YWHAH: variants seen among roughly 807,000 people sequenced by gnomAD.
The protein encoded by YWHAH is tyrosine 3-monooxygenase/tryptophan 5-monooxygenase activation protein eta, also known as 14-3-3 protein eta.
Under a neutral mutation model 22.9 loss-of-function variants are expected in YWHAH, and 6 were observed. That is an observed-to-expected ratio of 0.26 (90% CI 0.14 to 0.52). The LOEUF (loss-of-function observed/expected upper bound fraction) is 0.52. Ranked by LOEUF, YWHAH falls within the 20% of genes least tolerant of loss-of-function variation. YWHAH has a pLI of 0.97. For missense variants in YWHAH, 173 were observed against 308.6 expected (o/e 0.56, Z 3.29); for synonymous variants, 135 against 124.5 (o/e 1.08, Z -0.56).
chr22:31,948,322 G>C (rs2093837917), intron 1 of YWHAH, among the ~76,000 whole-genome samples: 1 of 152,198 alleles, frequency 6.6e-6, no homozygotes, highest in East Asian at 1.9e-4. Flanking sequence ...AAAGTGCACA[G>C]CTGACTGCCC....
chr22:31,956,004 G>T lies in YWHAH; in HGVS notation c.88-135G>T. 9.9e-7 allele frequency: 1 copy of T among 1,007,018 alleles called. No individual in the cohort carries two copies. The highest frequency in any genetic ancestry group is 1.4e-6 in the Non-Finnish European group (1 of 695,390). 62.4% of individuals were successfully genotyped at this position (1,007,018 alleles called of 1,614,324 possible). ...TCTATATTGGTTTTATCCATGGGTGGTTTTTATTCTCCAGAGTGACTGACC... is the reference window on the plus strand; with the variant it reads ...TCTATATTGGTTTTATCCATGGGTGTTTTTTATTCTCCAGAGTGACTGACC... On this transcript the variant is annotated intron_variant, in intron 1 of 1. Transcript: ENST00000248975. This position sits in a 1 kb window ranked among gnomAD's most constrained non-coding sequence, Gnocchi z 5.1.
At chr22:31,954,896 G>A (rs2093847672) in intron 1 of YWHAH, among the ~76,000 whole-genome samples, 1 of 152,098 alleles carries the variant, frequency 6.6e-6, no homozygotes, top group African/African-American at 2.4e-5. Context: ...AGGAACCTAG[G>A]GTCAGAACTT....
At chr22:31,948,192 C>G (rs1333979976) in intron 1 of YWHAH, among the ~76,000 whole-genome samples, 1 of 152,172 alleles carries the variant, frequency 6.6e-6, no homozygotes, top group Non-Finnish European at 1.5e-5. Context: ...GGAAACAAAA[C>G]TACAGTTTAA....
At chr22:31,952,327 G>T (rs562407157) in intron 1 of YWHAH, among the ~76,000 whole-genome samples, 1 of 152,070 alleles carries the variant, frequency 6.6e-6, no homozygotes, top group Non-Finnish European at 1.5e-5. Flanking sequence ...CCTGTATTTT[G>T]GTATTTGAAG....
intron 1 of YWHAH, among the ~76,000 whole-genome samples, chr22:31,945,956 AAAAC>A (rs780008011): frequency 1.1e-4 from 17 of 152,322 alleles, no homozygotes; most frequent in Middle Eastern, 6.8e-3. Context: ...GTTCCGAAAA[AAAAC>A]TGCCAATACA....
At chr22:31,950,431 T>G (rs751447931) in intron 1 of YWHAH, 1 of 778,724 alleles carries the variant, frequency 1.3e-6, no homozygotes, top group South Asian at 1.3e-5. Context: ...TGGTGAGTGT[T>G]AGCACTTCCA....
At chr22:31,955,299 C>A (rs1171964666) in intron 1 of YWHAH, among the ~76,000 whole-genome samples, 1 of 152,164 alleles carries the variant, frequency 6.6e-6, no homozygotes, top group African/African-American at 2.4e-5. Context: ...TCTGTGAAGC[C>A]CCACCATCTG....
At chr22:31,944,858 G>A (rs770079865) in intron 1 of YWHAH, 38 bp downstream of exon 1, 5 of 1,315,870 alleles carry the variant, frequency 3.8e-6, no homozygotes, top group Admixed American at 3.0e-5. Context: ...GGCCGGGGGG[G>A]GCCTGGCGTT....
At position 31,956,980 on chromosome 22, in the gene YWHAH, G is replaced by T; in HGVS notation, c.*188G>T. 1.4e-6 allele frequency: 1 copy of T among 736,788 alleles called. No individual in the cohort carries two copies. The highest frequency in any genetic ancestry group is 2.1e-5 in the South Asian group (1 of 47,928). 45.6% of individuals were successfully genotyped at this position (736,788 alleles called of 1,614,324 possible). Reference sequence around the variant, plus strand: ...CATGGGCATTGCTGGACTGATGGTTGCTTTGAGCCCACAGGAGCTCCCTTT... The same window carrying T: ...CATGGGCATTGCTGGACTGATGGTTTCTTTGAGCCCACAGGAGCTCCCTTT... On this transcript the variant is annotated 3_prime_UTR_variant, in exon 2 of 2. Transcript: ENST00000248975. The surrounding 1 kb of genome is among the most constrained non-coding windows in gnomAD (Gnocchi z 5.1).
At chr22:31,952,119 C>T (rs1196570739) in intron 1 of YWHAH, among the ~76,000 whole-genome samples, 1 of 152,174 alleles carries the variant, frequency 6.6e-6, no homozygotes, top group African/African-American at 2.4e-5. Flanking sequence ...TTGTCTAGGC[C>T]TGTCTGTAAA....
At chr22:31,950,516 A>G (rs550250108) in intron 1 of YWHAH, 20 of 651,798 alleles carry the variant, frequency 3.1e-5, no homozygotes, top group Non-Finnish European at 5.7e-5. Context: ...CAGTAATGCC[A>G]TTCAGATGGT....
intron 1 of YWHAH, among the ~76,000 whole-genome samples, chr22:31,946,473 T>C (rs1245556990): frequency 6.6e-6 from 1 of 152,160 alleles, no homozygotes; most frequent in Non-Finnish European, 1.5e-5. Flanking sequence ...TTATGCAGGC[T>C]GAGGCCTCTC....
chr22:31,948,023 G>A (rs1020418961), intron 1 of YWHAH, among the ~76,000 whole-genome samples: 3 of 152,068 alleles, frequency 2.0e-5, no homozygotes, highest in South Asian at 2.1e-4. Flanking sequence ...GACAGAAAAC[G>A]GGCAGAAACA....
intron 1 of YWHAH, among the ~76,000 whole-genome samples, chr22:31,947,654 A>G (rs976425513): frequency 6.6e-6 from 1 of 152,214 alleles, no homozygotes; most frequent in African/African-American, 2.4e-5. Flanking sequence ...CAGCTTGCAT[A>G]GAGTATAATA....
At chr22:31,946,925 C>T (rs1187179988) in intron 1 of YWHAH, among the ~76,000 whole-genome samples, 3 of 152,104 alleles carry the variant, frequency 2.0e-5, no homozygotes, top group African/African-American at 7.2e-5. Context: ...TTAATTCTGC[C>T]ATCTCAGAAT....
At chr22:31,955,339 T>C (rs1194579551) in intron 1 of YWHAH, among the ~76,000 whole-genome samples, 1 of 152,238 alleles carries the variant, frequency 6.6e-6, no homozygotes, top group Non-Finnish European at 1.5e-5. Context: ...TGGTTGGTTC[T>C]TTCCAGAGTA....
chr22:31,944,668 C>G lies in YWHAH; in HGVS notation c.-66C>G, dbSNP rs964338450. The G allele has an allele frequency of 5.7e-6, 7 of 1,224,870 alleles. No homozygotes were observed. In the African/African-American group the frequency reaches 1.1e-4, roughly 19 times the overall value. 75.9% of individuals were successfully genotyped at this position (1,224,870 alleles called of 1,614,324 possible). A position where few individuals can be genotyped will look rare whatever the true frequency, so the allele number is the denominator to read the frequency against. Reference sequence around the variant, plus strand: ...GCCTCCGCAGCGACCGGGGAGCGGACTGACCGGCGGGAGGGCTAGCGAGCC... The same window carrying G: ...GCCTCCGCAGCGACCGGGGAGCGGAGTGACCGGCGGGAGGGCTAGCGAGCC... On this transcript the variant is annotated 5_prime_UTR_variant, in exon 1 of 2. Transcript: ENST00000248975.
chr22:31,956,241 A>G lies in YWHAH; in HGVS notation c.190A>G (p.Ser64Gly). ...GARRSSWRVI[S>G]SIEQKTMADG... ...CAGGCGATCTTCCTGGAGGGTCATT[A>G]GCAGCATTGAGCAGAAAACCATGGC... The change falls in exon 2 of 2, where the codon AGC (serine) becomes GGC (glycine). Residue 64 changes from serine (S) to glycine (G), a missense_variant. Transcript: ENST00000248975. This position sits in a 1 kb window ranked among gnomAD's most constrained non-coding sequence, Gnocchi z 5.1. The G allele has an allele frequency of 6.2e-7, 1 of 1,614,210 alleles. No homozygotes were observed. Among genetic ancestry groups the G allele is most frequent in the Non-Finnish European group, 8.5e-7 (1 of 1,180,042 alleles).
At chr22:31,946,841 A>C (rs1406628350) in intron 1 of YWHAH, among the ~76,000 whole-genome samples, 1 of 152,180 alleles carries the variant, frequency 6.6e-6, no homozygotes. Context: ...AAACCAAAGG[A>C]ATCTATAATA....
Sources: allele counts gnomAD v4.1 joint callset (sites outside exome capture counted in the v4.1 genomes callset), GRCh38; gene constraint gnomAD v4.1.1; non-coding constraint Gnocchi (gnomAD v3.1); transcripts MANE v1.5; gene names NCBI Gene and HGNC (gene_info 2026-07-23, HGNC 2026-07-21).